ATP10B: variants seen among roughly 807,000 people sequenced by gnomAD.
ATP10B encodes ATPase phospholipid transporting 10B (putative).
ATP10B carries 122 observed loss-of-function variants against 141.2 expected under a neutral mutation model. The observed-to-expected ratio is 0.86, with a 90% CI of 0.75 to 1.00. The LOEUF is 1.00. Among genes scored for constraint, ATP10B ranks in the 50% least tolerant of loss-of-function variants. The pLI is 0.00. For missense variants in ATP10B, 1,876 were observed against 1,825.3 expected (o/e 1.03, Z -0.51); for synonymous variants, 685 against 692.0 (o/e 0.99, Z 0.16).
intron 3 of ATP10B, among the ~76,000 whole-genome samples, chr5:160,691,385 A>G (rs1006335610): frequency 3.9e-5 from 6 of 152,180 alleles, no homozygotes; most frequent in Non-Finnish European, 8.8e-5. Context: ...TGCTTTACCT[A>G]GGAGTTTCCA....
At chr5:160,846,638 T>TA (rs1776137035) in intron 1 of ATP10B, among the ~76,000 whole-genome samples, 2 of 152,188 alleles carry the variant, frequency 1.3e-5, no homozygotes, top group Non-Finnish European at 2.9e-5. Flanking sequence ...TACTAATACA[T>TA]ATCCAGCGCT....
At chr5:160,820,238 C>A (rs1189902581) in intron 1 of ATP10B, among the ~76,000 whole-genome samples, 2 of 151,508 alleles carry the variant, frequency 1.3e-5, no homozygotes, top group Non-Finnish European at 2.9e-5. Context: ...TTAGCAGGTA[C>A]TAAGAGCAAC....
chr5:160,715,989 A>G (rs7737375), intron 3 of ATP10B, among the ~76,000 whole-genome samples: 151,183 of 152,244 alleles, frequency 0.99, 75,069 homozygotes, highest in Middle Eastern at 1. Flanking sequence ...GATTACAGGC[A>G]TGAGCCACCA....
At chr5:160,889,605 T>C in the ATP10B span, among the ~76,000 whole-genome samples, 4 of 152,176 alleles carry the variant, frequency 2.6e-5, no homozygotes, top group East Asian at 7.7e-4. Context: ...TGAAGACACA[T>C]CAGTGGGCAC....
chr5:160,817,313 C>A (rs1044236252), intron 1 of ATP10B, among the ~76,000 whole-genome samples: 1 of 152,168 alleles, frequency 6.6e-6, no homozygotes, highest in Non-Finnish European at 1.5e-5. Flanking sequence ...TCTCAGGATA[C>A]AAAATTGATG....
In ATP10B at chr5:160,587,584, T is replaced by C. The variant is rs564796311; in HGVS notation, c.3750+2008A>G. Among the ~76,000 whole-genome samples the C allele has an allele frequency of 5.8e-4, 88 of 152,368 alleles. No homozygotes were observed. In the South Asian group the frequency reaches 0.018, roughly 30 times the overall value. On this transcript the variant is annotated intron_variant, in intron 24 of 25. Transcript: ENST00000327245. ...GAGCATGGAATGTTTTTCCATTTGT[T>C]TGTGTCCTCTTTTATTTCCTTGACC...
chr5:160,668,682 G>A (rs1442567182), intron 7 of ATP10B, among the ~76,000 whole-genome samples: 1 of 152,208 alleles, frequency 6.6e-6, no homozygotes, highest in Admixed American at 6.5e-5. Flanking sequence ...TCCATTTCCA[G>A]TGGTGGCAAC....
At chr5:160,907,831 C>A in the ATP10B span, among the ~76,000 whole-genome samples, 27 of 152,282 alleles carry the variant, frequency 1.8e-4, no homozygotes, top group Non-Finnish European at 3.4e-4. Context: ...TACTTTTCAG[C>A]CTCCCTTGCA....
At chr5:160,815,606 G>A (rs981632144) in intron 1 of ATP10B, among the ~76,000 whole-genome samples, 18 of 152,056 alleles carry the variant, frequency 1.2e-4, no homozygotes, top group Non-Finnish European at 1.9e-4. Context: ...ACAGATCAAC[G>A]AGACAGAAAG....
Position 160,706,590 on chromosome 5 carries a change from CTG to C in ATP10B, c.-205+10317_-205+10318del, listed in dbSNP as rs983783012. Reference sequence around the variant, plus strand: ...GGTTTACCTCCGTAGCCTGAGTCATCTGTGATTGCCCTGGTTAGTTTGTTTAA... The same window carrying C: ...GGTTTACCTCCGTAGCCTGAGTCATCTGATTGCCCTGGTTAGTTTGTTTAA... On this transcript the variant is annotated intron_variant, in intron 3 of 25. Transcript: ENST00000327245. Among the ~76,000 whole-genome samples, 34 of 152,304 alleles carry C rather than the reference CTG, an allele frequency of 2.2e-4. 1 individual carries two copies. Among genetic ancestry groups the C allele is most frequent in the African/African-American group, 7.9e-4 (33 of 41,554 alleles).
the ATP10B span, among the ~76,000 whole-genome samples, chr5:160,886,138 C>G: frequency 6.6e-6 from 1 of 152,194 alleles, no homozygotes; most frequent in Non-Finnish European, 1.5e-5. Flanking sequence ...GGCAACATCT[C>G]CTGTTTTGTA....
At chr5:160,657,142 A>G (rs1390105103) in intron 7 of ATP10B, among the ~76,000 whole-genome samples, 1 of 152,112 alleles carries the variant, frequency 6.6e-6, no homozygotes, top group Non-Finnish European at 1.5e-5. Context: ...CACAGGAGGT[A>G]TGTTGCAACC....
At position 160,618,457 on chromosome 5, in the gene ATP10B, C is replaced by A. The variant is rs544485416; in HGVS notation, c.2417-484G>T. Among the ~76,000 whole-genome samples, 373 of 152,266 alleles carry A rather than the reference C, an allele frequency of 2.4e-3. 2 individuals are homozygous for A. The highest frequency in any genetic ancestry group is 4.4e-3 in the Non-Finnish European group (302 of 68,030). Reference sequence around the variant, plus strand: ...CTATCTTCTACTTGAGGTCTTATATCAAATTAGGTCCCAAGACATCTACAA... The same window carrying A: ...CTATCTTCTACTTGAGGTCTTATATAAAATTAGGTCCCAAGACATCTACAA... On this transcript the variant is annotated intron_variant, in intron 15 of 25. Coordinates refer to ENST00000327245, the MANE Select transcript of ATP10B (RefSeq NM_025153.3).
In ATP10B at chr5:160,598,914, G is replaced by A. The variant is rs1356189797; in HGVS notation, c.3420C>T (p.Thr1140=). ...ATATCATCTGCCAGTAATCAATCATGGTGGAGCTGGAGAAACCACAGAAGA... is the reference window on the plus strand; with the variant it reads ...ATATCATCTGCCAGTAATCAATCATAGTGGAGCTGGAGAAACCACAGAAGA... ...YQFFCGFSSS[T]MIDYWQMIFF... is the part of the protein sequence containing the mutation. Residue 1140 remains threonine (T), a synonymous_variant, in exon 22 of 26, where the codon ACC becomes ACT. Coordinates refer to ENST00000327245, the MANE Select transcript of ATP10B (RefSeq NM_025153.3). 1.1e-5 allele frequency: 18 copies of A among 1,614,060 alleles called. No individual in the cohort carries two copies. The highest frequency in any genetic ancestry group is 1.4e-5 in the Non-Finnish European group (17 of 1,180,004).
intron 1 of ATP10B, among the ~76,000 whole-genome samples, chr5:160,817,728 A>T (rs528005678): frequency 6.6e-6 from 1 of 152,218 alleles, no homozygotes; most frequent in Admixed American, 6.5e-5. Context: ...TGGAGGCATC[A>T]CGCTACCTGA....
chr5:160,812,668 G>T (rs1165109272), intron 1 of ATP10B, among the ~76,000 whole-genome samples: 2 of 152,142 alleles, frequency 1.3e-5, no homozygotes, highest in African/African-American at 2.4e-5. Flanking sequence ...GAAAGAATTA[G>T]TGAGCTTGAA....
intron 7 of ATP10B, among the ~76,000 whole-genome samples, chr5:160,669,918 T>TA (rs776037475): frequency 1.8e-4 from 16 of 89,684 alleles, no homozygotes; most frequent in South Asian, 1.0e-3. Context: ...CCCAGTCTCT[T>TA]AAAAAAAAAA....
chr5:160,850,029 G>A (rs1486391545), intron 1 of ATP10B, among the ~76,000 whole-genome samples: 1 of 152,112 alleles, frequency 6.6e-6, no homozygotes, highest in East Asian at 1.9e-4. Flanking sequence ...GGAATCCAAC[G>A]AGTTTTAGTT....
chr5:160,826,030 TACC>T (rs1026782483), intron 1 of ATP10B, among the ~76,000 whole-genome samples: 51 of 152,366 alleles, frequency 3.3e-4, no homozygotes, highest in Middle Eastern at 3.4e-3. Flanking sequence ...GGTATAAACG[TACC>T]ACATTTTCTT....
Sources: gnomAD v4.1 joint callset for allele counts (sites outside exome capture counted in the v4.1 genomes callset) on GRCh38, gnomAD v4.1.1 for gene constraint, MANE v1.5 for transcripts, NCBI Gene and HGNC (gene_info 2026-07-23, HGNC 2026-07-21) for gene names.